The following NOL4 variants were observed in gnomAD, a reference collection of about 807,000 sequenced individuals.
NOL4 encodes the protein cancer/testis antigen 125.
NOL4 carries 17 observed loss-of-function variants against 75.9 expected under a neutral mutation model. That is an observed-to-expected ratio of 0.22 (90% CI 0.15 to 0.34). NOL4 has a LOEUF of 0.34. Ranked by LOEUF, NOL4 falls within the 10% of genes least tolerant of loss-of-function variation. NOL4 has a pLI of 1.00. For missense variants in NOL4, 614 were observed against 793.5 expected (o/e 0.77, Z 2.72); for synonymous variants, 292 against 289.9 (o/e 1.01, Z -0.07).
At chr18:33,916,894 A>T (rs1347169552) in intron 9 of NOL4, among the ~76,000 whole-genome samples, 1 of 152,022 alleles carries the variant, frequency 6.6e-6, no homozygotes, top group East Asian at 1.9e-4. Flanking sequence ...GGGTGTTTTT[A>T]TTCTAAAATA....
rs543564863 is a variant in NOL4, at chr18:33,969,804, C to T, written c.1057-11386G>A. ...AATTTAACAATTACTTTGAAGATTC[C>T]CATGAAATTGTCATTTAAAAATAAA... On this transcript the variant is annotated intron_variant, in intron 6 of 10. Transcript: ENST00000261592. Among the ~76,000 whole-genome samples, 50 of 151,636 alleles carry T rather than the reference C, an allele frequency of 3.3e-4. No individual in the cohort carries two copies. The Middle Eastern group carries it at 0.01, about 31-fold the overall frequency.
At chr18:34,047,587 G>A (rs1189349148) in intron 5 of NOL4, among the ~76,000 whole-genome samples, 3 of 151,958 alleles carry the variant, frequency 2.0e-5, no homozygotes, top group Admixed American at 6.6e-5. Flanking sequence ...TTTCAATTTT[G>A]TATGTGGATT....
At chr18:34,060,934 G>A (rs867584305) in intron 5 of NOL4, among the ~76,000 whole-genome samples, 24 of 152,300 alleles carry the variant, frequency 1.6e-4, no homozygotes, top group Non-Finnish European at 3.2e-4. Context: ...AATGCACAAA[G>A]ACATCATTCC....
At chr18:34,198,689 G>T (rs1374114199) in intron 1 of NOL4, among the ~76,000 whole-genome samples, 2 of 151,882 alleles carry the variant, frequency 1.3e-5, no homozygotes, top group Non-Finnish European at 3.0e-5. Context: ...ATTTGACCAA[G>T]CTTCTTTACT....
chr18:34,171,890 A>G (rs2146269316), intron 1 of NOL4, among the ~76,000 whole-genome samples: 1 of 152,224 alleles, frequency 6.6e-6, no homozygotes, highest in East Asian at 1.9e-4. Flanking sequence ...TCAGAATTAT[A>G]CTCTCTATCC....
chr18:34,166,070 C>A (rs2032294668), intron 1 of NOL4, among the ~76,000 whole-genome samples: 1 of 151,956 alleles, frequency 6.6e-6, no homozygotes, highest in Non-Finnish European at 1.5e-5. Flanking sequence ...GCCAGATAAA[C>A]TTTAGTCTCT....
chr18:33,944,110 G>GA (rs1173242178), intron 8 of NOL4, among the ~76,000 whole-genome samples: 1 of 151,768 alleles, frequency 6.6e-6, no homozygotes, highest in Non-Finnish European at 1.5e-5. Flanking sequence ...AAAATAATGT[G>GA]AAATTATGAA....
intron 9 of NOL4, among the ~76,000 whole-genome samples, chr18:33,898,582 T>G (rs2065560057): frequency 6.6e-6 from 1 of 152,122 alleles, no homozygotes; most frequent in African/African-American, 2.4e-5. Flanking sequence ...TCAAATAATT[T>G]CCAAGTCCTG....
chr18:33,947,397 C>G (rs1292745769), intron 8 of NOL4, among the ~76,000 whole-genome samples: 1 of 151,664 alleles, frequency 6.6e-6, no homozygotes, highest in African/African-American at 2.4e-5. Flanking sequence ...AAAATTCCCT[C>G]TTACATTTGT....
intron 1 of NOL4, among the ~76,000 whole-genome samples, chr18:34,219,406 C>T (rs1346774093): frequency 6.6e-6 from 1 of 152,126 alleles, no homozygotes; most frequent in African/African-American, 2.4e-5. Flanking sequence ...TTAAAAAGAG[C>T]GTTTAATAAA....
At chr18:34,121,028 GA>G (rs1401322617) in intron 2 of NOL4, among the ~76,000 whole-genome samples, 2 of 152,112 alleles carry the variant, frequency 1.3e-5, no homozygotes, top group African/African-American at 2.4e-5. Flanking sequence ...GGCTGCTAAG[GA>G]AAAGATTGTC....
intron 8 of NOL4, among the ~76,000 whole-genome samples, chr18:33,945,769 T>C (rs1267303743): frequency 6.6e-6 from 1 of 151,800 alleles, no homozygotes; most frequent in East Asian, 1.9e-4. Context: ...ATAAACAGTA[T>C]AATTTTGAAA....
intron 1 of NOL4, among the ~76,000 whole-genome samples, chr18:34,163,773 G>A (rs192140636): frequency 1.5e-3 from 234 of 152,032 alleles, no homozygotes; most frequent in Middle Eastern, 3.4e-3. Context: ...AAAAGAGCCC[G>A]CATCGCCAAG....
chr18:34,045,965 T>TA (rs2076345629), intron 5 of NOL4, among the ~76,000 whole-genome samples: 1 of 152,160 alleles, frequency 6.6e-6, no homozygotes, highest in Admixed American at 6.5e-5. Context: ...AAACTCTCCT[T>TA]AGTTTATGTA....
chr18:34,173,666 G>C (rs1337888683), intron 1 of NOL4, among the ~76,000 whole-genome samples: 1 of 152,128 alleles, frequency 6.6e-6, no homozygotes, highest in African/African-American at 2.4e-5. Flanking sequence ...TAAAGTATCT[G>C]TTTAAGTGGT....
At chr18:34,045,975 A>T (rs1479340794) in intron 5 of NOL4, among the ~76,000 whole-genome samples, 2 of 152,186 alleles carry the variant, frequency 1.3e-5, no homozygotes, top group African/African-American at 2.4e-5. Context: ...TAGTTTATGT[A>T]ACAGACCATT....
chr18:33,933,218 C>A (rs925440701), intron 9 of NOL4, among the ~76,000 whole-genome samples: 9 of 152,100 alleles, frequency 5.9e-5, no homozygotes, highest in African/African-American at 1.9e-4. Context: ...AAAACCAATG[C>A]GCTTACCTTA....
At chr18:34,219,052 T>C (rs2037112309) in intron 1 of NOL4, among the ~76,000 whole-genome samples, 1 of 152,040 alleles carries the variant, frequency 6.6e-6, no homozygotes, top group African/African-American at 2.4e-5. Flanking sequence ...CAGTAATCAA[T>C]TAGTAGTATG....
chr18:33,866,876 A>G lies in NOL4; in HGVS notation c.1724-13841T>C, dbSNP rs191963989. 1.1e-4 allele frequency among the ~76,000 whole-genome samples: 16 copies of G among 152,286 alleles called. No homozygotes were observed. The East Asian group carries it at 3.1e-3, about 29-fold the overall frequency. ...TATGTATATATTTACATACATGTAT[A>G]CATTTTCAAATAACAGGAAGCAATC... On this transcript the variant is annotated intron_variant, in intron 10 of 10. Transcript: ENST00000261592.
Sources: gnomAD v4.1 joint callset for allele counts (sites outside exome capture counted in the v4.1 genomes callset) on GRCh38, gnomAD v4.1.1 for gene constraint, MANE v1.5 for transcripts, NCBI Gene and HGNC (gene_info 2026-07-23, HGNC 2026-07-21) for gene names.